The following SHCBP1 variants were observed in gnomAD, a reference collection of about 807,000 sequenced individuals.
SHCBP1 encodes SHC SH2 domain-binding protein 1.
SHCBP1 carries 60 observed loss-of-function variants against 75.1 expected under a neutral mutation model. The observed-to-expected ratio is 0.80, with a 90% CI of 0.65 to 0.99. The LOEUF (loss-of-function observed/expected upper bound fraction) is 0.99. SHCBP1 is among the 50% of genes least tolerant of loss of function. The probability of loss-of-function intolerance (pLI) is 0.00; values close to 1 mark genes in which losing one functional copy is unlikely to be tolerated. For synonymous variants in SHCBP1, 290 were observed against 293.2 expected (o/e 0.99, Z 0.11); for missense variants, 709 against 809.4 (o/e 0.88, Z 1.50).
intron 10 of SHCBP1, among the ~76,000 whole-genome samples, chr16:46,587,197 A>G (rs897450883): frequency 6.6e-6 from 1 of 152,130 alleles, no homozygotes. Flanking sequence ...TAATAAAAGG[A>G]GGCAAGGTTT....
At position 46,581,417 on chromosome 16, in the gene SHCBP1, G is replaced by C; in HGVS notation, c.*312C>G. 3.5e-6 allele frequency: 1 copy of C among 284,054 alleles called. No homozygotes were observed. Among genetic ancestry groups the C allele is most frequent in the Non-Finnish European group, 6.6e-6 (1 of 151,126 alleles). 17.6% of individuals were successfully genotyped at this position (284,054 alleles called of 1,614,324 possible). A position where few individuals can be genotyped will look rare whatever the true frequency, so the allele number is the denominator to read the frequency against. On this transcript the variant is annotated 3_prime_UTR_variant, in exon 13 of 13. Coordinates refer to ENST00000303383, the MANE Select transcript of SHCBP1 (RefSeq NM_024745.5). ...TTCCCTTCCTTACTTCCTCGTCTTT[G>C]AAGTGCTAAAGGTAATTACACTAAA...
At chr16:46,615,745 T>TA (rs1220893746) in intron 4 of SHCBP1, among the ~76,000 whole-genome samples, 1 of 151,554 alleles carries the variant, frequency 6.6e-6, no homozygotes, top group Non-Finnish European at 1.5e-5. Flanking sequence ...GTCTCAAAAT[T>TA]AAAAAATAAA....
chr16:46,600,080 C>T, intron 8 of SHCBP1, 118 bp from the exon 9 acceptor site: 1 of 1,144,482 alleles, frequency 8.7e-7, no homozygotes. Flanking sequence ...ACCAGTCAAC[C>T]ATGTTGCATT....
chr16:46,618,006 C>T lies in SHCBP1; in HGVS notation c.271+199G>A, dbSNP rs138424260. ...CAGCCTGACGAAAATGGAGAAACCC[C>T]GTCTCTAGTAAAAACACAAAATTAT... On this transcript the variant is annotated intron_variant, in intron 2 of 12. Coordinates refer to ENST00000303383, the MANE Select transcript of SHCBP1 (RefSeq NM_024745.5). Among the ~76,000 whole-genome samples, 1,164 of 152,218 alleles carry T rather than the reference C, an allele frequency of 7.6e-3. 16 individuals carry two copies. The highest frequency in any genetic ancestry group is 0.027 in the African/African-American group (1,107 of 41,534).
Position 46,603,520 on chromosome 16 carries a change from G to A in SHCBP1, c.1213+19C>T. ...ACATATCACGTGTGAGAGTTTGGTT[G>A]TGTGTCTTCCATACTCACCTTCCAA... On this transcript the variant is annotated intron_variant, in intron 8 of 12. Coordinates refer to ENST00000303383, the MANE Select transcript of SHCBP1 (RefSeq NM_024745.5). The A allele has an allele frequency of 3.7e-6, 6 of 1,613,882 alleles. No homozygotes were observed. The highest frequency in any genetic ancestry group is 4.2e-6 in the Non-Finnish European group (5 of 1,179,920).
At chr16:46,607,642 T>G (rs571851109) in intron 5 of SHCBP1, among the ~76,000 whole-genome samples, 1 of 152,212 alleles carries the variant, frequency 6.6e-6, no homozygotes, top group Admixed American at 6.5e-5. Context: ...GTGCAATTTA[T>G]AATTTTATTA....
At chr16:46,590,191 G>A (rs1310831336) in intron 10 of SHCBP1, among the ~76,000 whole-genome samples, 4 of 152,192 alleles carry the variant, frequency 2.6e-5, no homozygotes, top group African/African-American at 9.7e-5. Context: ...AGACTTAAAT[G>A]TTAGACCTAA....
At chr16:46,600,023 C>G in intron 8 of SHCBP1, 61 bp from the exon 9 acceptor site, 1 of 1,575,832 alleles carries the variant, frequency 6.3e-7, no homozygotes, top group Non-Finnish European at 8.6e-7. Flanking sequence ...AACGTGAACA[C>G]TGTAGAACAA....
intron 10 of SHCBP1, among the ~76,000 whole-genome samples, chr16:46,593,335 A>G (rs1965081377): frequency 6.6e-6 from 1 of 152,236 alleles, no homozygotes; most frequent in Non-Finnish European, 1.5e-5. Flanking sequence ...GGACACTGAA[A>G]TTAATACCAT....
In SHCBP1 at chr16:46,581,589, G is replaced by T. The variant is rs576185626; in HGVS notation, c.*140C>A. On this transcript the variant is annotated 3_prime_UTR_variant, in exon 13 of 13. Transcript: ENST00000303383. ...TGTTTTATGTGCAACACCTGCAAAT[G>T]GAAATAAATCTACCTTTCACTCAAG... is the stretch of plus-strand genomic sequence containing the variant. 3.7e-5 allele frequency: 28 copies of T among 746,954 alleles called. No individual in the cohort carries two copies. In the South Asian group the frequency reaches 5.4e-4, roughly 14 times the overall value. The allele number at this position is 746,954 out of a possible 1,614,324, so 46.3% of individuals were successfully genotyped here.
chr16:46,590,581 G>A (rs905943113), intron 10 of SHCBP1, among the ~76,000 whole-genome samples: 11 of 152,266 alleles, frequency 7.2e-5, no homozygotes, highest in Admixed American at 3.9e-4. Context: ...CGCCATCACC[G>A]GCCATCAGAG....
At position 46,604,038 on chromosome 16, in the gene SHCBP1, G is replaced by A. The variant is rs1351587001; in HGVS notation, c.1029C>T (p.Leu343=). Residue 343 remains leucine (L), a synonymous_variant, in exon 7 of 13, where the codon CTC becomes CTT. Coordinates refer to ENST00000303383, the MANE Select transcript of SHCBP1 (RefSeq NM_024745.5). The part of the protein sequence containing the change: ...HVVSSTMMAG[L]LRSLLTDRLC... ...GCCTGTCCGTAAGCAGGGACCGCAG[G>A]AGACCAGCCATCATGGTGGAGGAGA... 1.2e-6 allele frequency: 2 copies of A among 1,614,064 alleles called. No homozygotes were observed. Among genetic ancestry groups the A allele is most frequent in the Non-Finnish European group, 1.7e-6 (2 of 1,180,042 alleles).
chr16:46,621,173 C>G (rs1267598681), intron 1 of SHCBP1, 84 bp downstream of exon 1: 1 of 1,311,872 alleles, frequency 7.6e-7, no homozygotes, highest in Non-Finnish European at 1.0e-6. Flanking sequence ...CCGGAAGGCC[C>G]GCGACCCAGG....
At chr16:46,584,859 AG>A (rs1219930715) in intron 10 of SHCBP1, among the ~76,000 whole-genome samples, 1 of 152,236 alleles carries the variant, frequency 6.6e-6, no homozygotes, top group Admixed American at 6.5e-5. Context: ...GCATCGATGA[AG>A]AAGAGTTGCT....
Position 46,599,877 on chromosome 16 carries a change from G to T in SHCBP1, c.1299C>A (p.Ile433=), listed in dbSNP as rs754485873. ...CATGCTGAACAAATTTTATGCCTGA[G>T]ATTTTAATATCAGCACCAGTGCAGT... ...FVDCTGADIK[I]SGIKFVQHDA... is the part of the protein sequence containing the mutation. The change falls in exon 9 of 13, where the codon ATC becomes ATA. Residue 433 remains isoleucine (I), a synonymous_variant. Coordinates refer to ENST00000303383, the MANE Select transcript of SHCBP1 (RefSeq NM_024745.5). 3.7e-6 allele frequency: 6 copies of T among 1,612,060 alleles called. No individual in the cohort carries two copies. Among genetic ancestry groups the T allele is most frequent in the Non-Finnish European group, 5.1e-6 (6 of 1,179,470 alleles).
At chr16:46,600,384 T>G (rs1965214201) in intron 8 of SHCBP1, among the ~76,000 whole-genome samples, 1 of 152,128 alleles carries the variant, frequency 6.6e-6, no homozygotes, top group Non-Finnish European at 1.5e-5. Context: ...GAGGGTCACT[T>G]GATCCCAGAA....
At chr16:46,608,173 CAGAGAGAG>C (rs1567451447) in intron 5 of SHCBP1, 116 bp downstream of exon 5, 1 of 617,776 alleles carries the variant, frequency 1.6e-6, no homozygotes, top group South Asian at 2.1e-5. Context: ...GAAAGAAAAT[CAGAGAGAG>C]AGAGTGAGTG....
intron 10 of SHCBP1, among the ~76,000 whole-genome samples, chr16:46,594,867 C>G (rs1011347012): frequency 6.6e-6 from 1 of 152,148 alleles, no homozygotes; most frequent in Non-Finnish European, 1.5e-5. Context: ...AGTGACAAAA[C>G]AAACCGTGGA....
intron 9 of SHCBP1, 144 bp downstream of exon 9, chr16:46,599,687 A>AC (rs1341076570): frequency 8.3e-6 from 3 of 361,694 alleles, no homozygotes; most frequent in East Asian, 4.5e-5. Context: ...AAAAAAAAAA[A>AC]AAAAACTCAG....
Sources: allele counts gnomAD v4.1 joint callset (sites outside exome capture counted in the v4.1 genomes callset), GRCh38; gene constraint gnomAD v4.1.1; transcripts MANE v1.5; gene names NCBI Gene and HGNC (gene_info 2026-07-23, HGNC 2026-07-21).